The following EGFR variants were observed in gnomAD, a reference collection of about 807,000 sequenced individuals.
The protein encoded by EGFR is avian erythroblastic leukemia viral (v-erb-b) oncogene homolog.
Under a neutral mutation model 143.0 loss-of-function variants are expected in EGFR, and 58 were observed. The observed-to-expected ratio is 0.41, with a 90% CI of 0.33 to 0.50. EGFR has a LOEUF of 0.50. Among genes scored for constraint, EGFR ranks in the 20% least tolerant of loss-of-function variants. The probability of loss-of-function intolerance (pLI) is 0.39; values close to 1 mark genes in which losing one functional copy is unlikely to be tolerated. For synonymous variants in EGFR, 613 were observed against 594.4 expected (o/e 1.03, Z -0.45); for missense variants, 1,307 against 1,579.0 (o/e 0.83, Z 2.92).
intron 1 of EGFR, among the ~76,000 whole-genome samples, chr7:55,111,828 A>G (rs895337832): frequency 6.6e-6 from 1 of 152,152 alleles, no homozygotes; most frequent in Non-Finnish European, 1.5e-5. Flanking sequence ...ATTAATGGAG[A>G]CCTTTTTGAA....
intron 1 of EGFR, among the ~76,000 whole-genome samples, chr7:55,043,509 G>A (rs1322564107): frequency 1.3e-5 from 2 of 152,092 alleles, no homozygotes. Context: ...TTACAGGTGT[G>A]CACCACTACA....
At chr7:55,068,073 C>T (rs1789617188) in intron 1 of EGFR, among the ~76,000 whole-genome samples, 1 of 149,080 alleles carries the variant, frequency 6.7e-6, no homozygotes, top group Admixed American at 6.6e-5. Flanking sequence ...CGTGTGCATA[C>T]GTGTGTGTGT....
chr7:55,185,484 G>A (rs936437672), intron 20 of EGFR, among the ~76,000 whole-genome samples: 14 of 152,234 alleles, frequency 9.2e-5, no homozygotes, highest in African/African-American at 1.9e-4. Flanking sequence ...CATCCGTGCC[G>A]TTTGGAAAGC....
At position 55,174,470 on chromosome 7, in the gene EGFR, G is replaced by A. The variant is rs17337121; in HGVS notation, c.2185-252G>A. On this transcript the variant is annotated intron_variant, in intron 18 of 27. Transcript: ENST00000275493. ...AAATTCTGGATGAAATGATCCACAC[G>A]GACTTTATAACAGGCTTTACAAGCT... Among the ~76,000 whole-genome samples the A allele has an allele frequency of 0.019, 2,958 of 152,318 alleles. 111 individuals carry two copies. Among genetic ancestry groups the A allele is most frequent in the African/African-American group, 0.067 (2,785 of 41,568 alleles).
intron 1 of EGFR, among the ~76,000 whole-genome samples, chr7:55,106,067 C>T (rs1792108300): frequency 6.6e-6 from 1 of 152,170 alleles, no homozygotes; most frequent in South Asian, 2.1e-4. Context: ...GCAGAGTCCC[C>T]AGGAGACCTA....
intron 20 of EGFR, chr7:55,181,705 G>A: frequency 1.6e-6 from 1 of 607,756 alleles, no homozygotes; most frequent in Non-Finnish European, 2.9e-6. Context: ...TACCTTTGAA[G>A]AATTTTCTCT....
rs765849469 is a variant in EGFR, at chr7:55,137,487, A to G, written c.89-4799A>G. Among the ~76,000 whole-genome samples, 76 of 152,232 alleles carry G rather than the reference A, an allele frequency of 5.0e-4. 2 individuals carry two copies. The highest frequency in any genetic ancestry group is 1.5e-5 in the Non-Finnish European group (1 of 68,042). ...AGAGGAAGGCCACAGGGCCTACCCTACAAAACCAGAGGCATTTAAAAACTT... is the reference window on the plus strand; with the variant it reads ...AGAGGAAGGCCACAGGGCCTACCCTGCAAAACCAGAGGCATTTAAAAACTT... On this transcript the variant is annotated intron_variant, in intron 1 of 27. Coordinates refer to ENST00000275493, the MANE Select transcript of EGFR (RefSeq NM_005228.5).
Position 55,182,288 on chromosome 7 carries a change from C to T in EGFR, c.2469+810C>T, listed in dbSNP as rs369900377. 6.2e-4 allele frequency: 94 copies of T among 152,620 alleles called. No homozygotes were observed. The East Asian group carries it at 7.3e-3, about 12-fold the overall frequency. The allele number at this position is 152,620 out of a possible 1,614,324, so 9.5% of individuals were successfully genotyped here. ...CTGTCTCTGAGAATACGCCGTTGCC[C>T]GTCATCTCTCTCCGACAGCAGGGCA... On this transcript the variant is annotated intron_variant, in intron 20 of 27. Coordinates refer to ENST00000275493, the MANE Select transcript of EGFR (RefSeq NM_005228.5).
chr7:55,071,880 A>G (rs569349590), intron 1 of EGFR, among the ~76,000 whole-genome samples: 1 of 152,262 alleles, frequency 6.6e-6, no homozygotes, highest in Non-Finnish European at 1.5e-5. Context: ...TTTAAAGACA[A>G]TTAACACAGT....
chr7:55,080,996 T>C (rs973819470), intron 1 of EGFR, among the ~76,000 whole-genome samples: 2 of 152,176 alleles, frequency 1.3e-5, no homozygotes, highest in Non-Finnish European at 2.9e-5. Flanking sequence ...TTGGCCACTA[T>C]ACTACTTAGA....
At chr7:55,025,264 T>C (rs1786813909) in intron 1 of EGFR, among the ~76,000 whole-genome samples, 1 of 152,130 alleles carries the variant, frequency 6.6e-6, no homozygotes, top group Admixed American at 6.5e-5. Flanking sequence ...GGAAGGTTCA[T>C]GACTATTGCC....
intron 1 of EGFR, among the ~76,000 whole-genome samples, chr7:55,116,242 C>T (rs956470239): frequency 6.6e-6 from 1 of 152,214 alleles, no homozygotes; most frequent in African/African-American, 2.4e-5. Flanking sequence ...AGAGTCCAGG[C>T]CTTCACACCT....
chr7:55,086,061 G>A (rs1442154819), intron 1 of EGFR, among the ~76,000 whole-genome samples: 6 of 151,950 alleles, frequency 3.9e-5, no homozygotes, highest in African/African-American at 1.4e-4. Flanking sequence ...CACTGTTTGT[G>A]AAGTGCTGAC....
At chr7:55,203,611 A>G (rs1464462261) in intron 27 of EGFR, among the ~76,000 whole-genome samples, 8 of 145,948 alleles carry the variant, frequency 5.5e-5, no homozygotes, top group Admixed American at 2.0e-4. Flanking sequence ...GCACACACAT[A>G]CAAACATATA....
At chr7:55,103,904 CT>C (rs1791969807) in intron 1 of EGFR, among the ~76,000 whole-genome samples, 1 of 152,204 alleles carries the variant, frequency 6.6e-6, no homozygotes, top group Non-Finnish European at 1.5e-5. Flanking sequence ...ATTCACAAGA[CT>C]GAAACTGTTC....
chr7:55,029,933 A>G (rs1419055469), intron 1 of EGFR, among the ~76,000 whole-genome samples: 1 of 152,212 alleles, frequency 6.6e-6, no homozygotes, highest in Non-Finnish European at 1.5e-5. Flanking sequence ...TAGATGCTAA[A>G]ACATTGATGT....
chr7:55,039,571 G>A (rs1787787214), intron 1 of EGFR, among the ~76,000 whole-genome samples: 1 of 152,216 alleles, frequency 6.6e-6, no homozygotes, highest in Non-Finnish European at 1.5e-5. Flanking sequence ...TTGGGTGAGG[G>A]AGAGCTCCTC....
intron 1 of EGFR, among the ~76,000 whole-genome samples, chr7:55,116,156 G>A (rs778209261): frequency 4.6e-5 from 7 of 152,168 alleles, no homozygotes; most frequent in African/African-American, 1.4e-4. Context: ...TGACAACATC[G>A]ATTCAAAAAG....
chr7:55,125,817 C>T (rs540075625), intron 1 of EGFR, among the ~76,000 whole-genome samples: 2 of 152,282 alleles, frequency 1.3e-5, no homozygotes, highest in Admixed American at 6.5e-5. Context: ...GGACCCCCTC[C>T]AAAAAGCAGA....
Sources: gnomAD v4.1 joint callset for allele counts (sites outside exome capture counted in the v4.1 genomes callset) on GRCh38, gnomAD v4.1.1 for gene constraint, MANE v1.5 for transcripts, NCBI Gene and HGNC (gene_info 2026-07-23, HGNC 2026-07-21) for gene names.